PARP6: variants seen among roughly 807,000 people sequenced by gnomAD.
The protein encoded by PARP6 is poly(ADP-ribose) polymerase family member 6.
In PARP6, 27 loss-of-function variants were observed where a neutral mutation model predicts 92.0. The observed-to-expected ratio is 0.29, with a 90% CI of 0.22 to 0.40. The LOEUF (loss-of-function observed/expected upper bound fraction) is 0.40, where lower values mean the gene tolerates loss of function less well. PARP6 is among the 10% of genes least tolerant of loss of function. PARP6 has a pLI of 1.00. For missense variants in PARP6, 501 were observed against 784.5 expected, an observed-to-expected ratio of 0.64 and a Z score of 4.32; for synonymous variants, 272 against 281.2, an observed-to-expected ratio of 0.97 and a Z score of 0.33.
At position 72,259,687 on chromosome 15, in the gene PARP6, C is replaced by T. The variant is rs115738537; in HGVS notation, c.757-26G>A. On this transcript the variant is annotated intron_variant, in intron 10 of 23. Transcript: ENST00000569795. ...CTGGTGAGAGTAAAAAGACAGACCC[C>T]GTGAACCTCCTATGAAGCTGGGGCC... is the stretch of plus-strand genomic sequence containing the variant. 1.9e-3 allele frequency: 3,089 copies of T among 1,609,894 alleles called. 47 individuals carry two copies. The African/African-American group carries it at 0.031, about 16-fold the overall frequency.
chr15:72,251,289 A>C (rs771631384), intron 16 of PARP6, 34 bp from the exon 17 acceptor site: 4 of 1,371,264 alleles, frequency 2.9e-6, no homozygotes, highest in Non-Finnish European at 1.0e-6. Flanking sequence ...AAAAGGATAG[A>C]ATAATTATGT....
intron 7 of PARP6, 45 bp from the exon 8 acceptor site, chr15:72,264,666 C>T (rs1403285904): frequency 6.7e-7 from 1 of 1,496,794 alleles, no homozygotes; most frequent in Non-Finnish European, 9.3e-7. Context: ...TATCTCTTGT[C>T]TTCCTGGAGT....
chr15:72,254,220 A>G, intron 15 of PARP6: 1 of 575,626 alleles, frequency 1.7e-6, no homozygotes, highest in Non-Finnish European at 3.1e-6. Flanking sequence ...AACAACTTGT[A>G]AAGGAATTAA....
chr15:72,248,667 G>A (rs2140930664), intron 20 of PARP6, among the ~76,000 whole-genome samples: 1 of 152,292 alleles, frequency 6.6e-6, no homozygotes, highest in African/African-American at 2.4e-5. Flanking sequence ...GGAAGACTGA[G>A]AGAACTCTAA....
chr15:72,250,568 G>T, intron 18 of PARP6: 1 of 403,408 alleles, frequency 2.5e-6, no homozygotes, highest in Non-Finnish European at 4.5e-6. Flanking sequence ...TTCCATCAAA[G>T]TAGCTTTCAG....
intron 9 of PARP6, 32 bp downstream of exon 9, chr15:72,261,525 GT>G (rs1483486592): frequency 6.2e-7 from 1 of 1,604,016 alleles, no homozygotes; most frequent in Non-Finnish European, 8.5e-7. Context: ...ATCACAAGGT[GT>G]TTACAGATGA....
At chr15:72,253,586 G>T in intron 15 of PARP6, 82 bp from the exon 16 acceptor site, 1 of 1,190,746 alleles carries the variant, frequency 8.4e-7, no homozygotes. Context: ...GTGACTATTA[G>T]GGTCCAGGGC....
chr15:72,246,655 C>T (rs536520440), intron 20 of PARP6, among the ~76,000 whole-genome samples: 1 of 152,216 alleles, frequency 6.6e-6, no homozygotes, highest in East Asian at 1.9e-4. Context: ...ATATATATGC[C>T]TAAACAATGT....
At chr15:72,264,961 C>A in intron 7 of PARP6, 120 bp downstream of exon 7, 1 of 680,116 alleles carries the variant, frequency 1.5e-6, no homozygotes, top group Non-Finnish European at 2.6e-6. Flanking sequence ...AAGCCCCTAC[C>A]AATAGCCTGC....
intron 7 of PARP6, 41 bp from the exon 8 acceptor site, chr15:72,264,662 T>C (rs762253792): frequency 5.0e-5 from 76 of 1,519,196 alleles, no homozygotes; most frequent in Non-Finnish European, 6.7e-5. Context: ...TACATATCTC[T>C]TGTCTTCCTG....
At chr15:72,245,053 A>C (rs2083442990) in intron 20 of PARP6, 1 of 152,316 alleles carries the variant, frequency 6.6e-6, no homozygotes, top group Non-Finnish European at 1.5e-5. Context: ...CTATGACAAG[A>C]ACAGCACTGG....
chr15:72,258,719 A>C (rs959650600), intron 11 of PARP6, among the ~76,000 whole-genome samples: 2 of 151,588 alleles, frequency 1.3e-5, no homozygotes, highest in African/African-American at 4.9e-5. Flanking sequence ...AATATCCTAC[A>C]GCGTTTTTTT....
At chr15:72,248,848 T>C (rs748571306) in intron 20 of PARP6, among the ~76,000 whole-genome samples, 1 of 152,234 alleles carries the variant, frequency 6.6e-6, no homozygotes, top group African/African-American at 2.4e-5. Flanking sequence ...TCTAGAAATA[T>C]AAGCCAATGG....
chr15:72,270,098 A>T (rs555147986), intron 2 of PARP6, among the ~76,000 whole-genome samples: 2 of 152,100 alleles, frequency 1.3e-5, no homozygotes, highest in African/African-American at 4.8e-5. Context: ...CTAAGCCAGG[A>T]TGGGGACAAA....
At position 72,258,045 on chromosome 15, in the gene PARP6, T is replaced by C. The variant is rs1468368774; in HGVS notation, c.898A>G (p.Met300Val). The C allele has an allele frequency of 1.5e-5, 24 of 1,611,110 alleles. No individual in the cohort carries two copies. Among genetic ancestry groups the C allele is most frequent in the East Asian group, 6.7e-5 (3 of 44,878 alleles). The change falls in exon 12 of 24, where the codon ATG becomes GTG. Residue 300 changes from methionine to valine, a missense_variant. Met to Val is a conservative substitution (Grantham distance 21). Transcript: ENST00000569795. Reference protein sequence around the residue: ...DEQHVFQNGSMLKPAVCTREL... With the variant: ...DEQHVFQNGSVLKPAVCTREL... ...AGAGTACGGTCCTATACCTTCAGCATAGATCCATTTTGGAAGACATGCTGC... is the reference window on the plus strand; with the variant it reads ...AGAGTACGGTCCTATACCTTCAGCACAGATCCATTTTGGAAGACATGCTGC...
chr15:72,249,344 T>C (rs781487200), intron 19 of PARP6, 30 bp from the exon 20 acceptor site: 1 of 1,409,844 alleles, frequency 7.1e-7, no homozygotes, highest in Admixed American at 1.7e-5. Context: ...ATGAGTAATA[T>C]GAGCCTGGGC....
At position 72,263,145 on chromosome 15, in the gene PARP6, T is replaced by C. The variant is rs190934997; in HGVS notation, c.395+1410A>G. 3.0e-4 allele frequency among the ~76,000 whole-genome samples: 46 copies of C among 152,316 alleles called. No homozygotes were observed. The East Asian group carries it at 8.3e-3, about 27-fold the overall frequency. On this transcript the variant is annotated intron_variant, in intron 8 of 23. Transcript: ENST00000569795. ...ATCATCCTACAAACCTGCTCCCCTC[T>C]CATATCCCTATTTACATTGGTGGTA...
In PARP6 at chr15:72,267,490, TCA is replaced by T; in HGVS notation, c.-15_-14del. 2 of 1,613,858 alleles carry T rather than the reference TCA, an allele frequency of 1.2e-6. No homozygotes were observed. The highest frequency in any genetic ancestry group is 1.7e-6 in the Non-Finnish European group (2 of 1,179,834). On this transcript the variant is annotated 5_prime_UTR_variant, in exon 3 of 24. Coordinates refer to ENST00000569795, the MANE Select transcript of PARP6 (RefSeq NM_001323532.2). Reference sequence around the variant, plus strand: ...CAGTTCTCACCATTGGGTCAGTGGGTCACACACACTCTCAGGTCAGTGCTAGG... The same window carrying T: ...CAGTTCTCACCATTGGGTCAGTGGGTCACACACTCTCAGGTCAGTGCTAGG...
chr15:72,245,667 A>T (rs1017362036), intron 20 of PARP6: 14 of 152,352 alleles, frequency 9.2e-5, no homozygotes, highest in African/African-American at 3.1e-4. Context: ...TCCAATAGTA[A>T]AATTCAACTG....
Sources: gnomAD v4.1 joint callset for allele counts (sites outside exome capture counted in the v4.1 genomes callset) on GRCh38, gnomAD v4.1.1 for gene constraint, MANE v1.5 for transcripts, NCBI Gene and HGNC (gene_info 2026-07-23, HGNC 2026-07-21) for gene names.